The following LRCH1 variants were observed in gnomAD, a reference collection of about 807,000 sequenced individuals.
The protein encoded by LRCH1 is leucine rich repeats and calponin homology domain containing 1, also known as leucine-rich repeat and calponin homology domain-containing protein 1.
LRCH1 carries 23 observed loss-of-function variants against 94.9 expected under a neutral mutation model. The observed-to-expected ratio is 0.24, with a 90% CI of 0.17 to 0.34. LRCH1 has a LOEUF of 0.34. Among genes scored for constraint, LRCH1 ranks in the 10% least tolerant of loss-of-function variants. The pLI, the probability that LRCH1 is intolerant of heterozygous loss-of-function variation, is 1.00. For missense variants in LRCH1, 790 were observed against 945.9 expected (o/e 0.84, Z 2.16); for synonymous variants, 364 against 354.9 (o/e 1.03, Z -0.29).
Position 46,744,268 on chromosome 13 carries a change from C to A in LRCH1, c.*2420C>A, listed in dbSNP as rs1303645635. The A allele has an allele frequency of 1.0e-6, 1 of 984,214 alleles. No individual in the cohort carries two copies. The highest frequency in any genetic ancestry group is 1.8e-5 in the African/African-American group (1 of 56,254). The allele number at this position is 984,214 out of a possible 1,614,324, so 61.0% of individuals were successfully genotyped here. Reference sequence around the variant, plus strand: ...GTCACTGAGTGGTTTATTGTGCTGACCAAATCTCCTCCTCACAAGAAAGAC... The same window carrying A: ...GTCACTGAGTGGTTTATTGTGCTGAACAAATCTCCTCCTCACAAGAAAGAC... On this transcript the variant is annotated 3_prime_UTR_variant, in exon 20 of 20. Transcript: ENST00000389797.
At chr13:46,649,586 A>G (rs1197259906) in intron 1 of LRCH1, among the ~76,000 whole-genome samples, 1 of 152,142 alleles carries the variant, frequency 6.6e-6, no homozygotes, top group African/African-American at 2.4e-5. Flanking sequence ...CTTATATATT[A>G]TAGGCTCTCA....
At position 46,723,271 on chromosome 13, in the gene LRCH1, A is replaced by G. The variant is rs1300939492; in HGVS notation, c.1810A>G (p.Ile604Val). 1.1e-5 allele frequency: 18 copies of G among 1,613,896 alleles called. No homozygotes were observed. The highest frequency in any genetic ancestry group is 3.3e-5 in the South Asian group (3 of 91,082). Residue 604 changes from isoleucine (I) to valine (V), a missense_variant, in exon 17 of 20, where the codon ATC becomes GTC. Around this residue, in one of 3 missense-constraint regions of LRCH1, gnomAD observed 460 missense variants for 508.9 expected, o/e 0.90. Coordinates refer to ENST00000389797, the MANE Select transcript of LRCH1 (RefSeq NM_001164211.2). ...GGAATCTATAGACCCGCAGTTTACA[A>G]TCCGGAGGAAAATGGAGCAGATGAG... ...NLESIDPQFTIRRKMEQMREE... is the reference protein window; with the variant it reads ...NLESIDPQFTVRRKMEQMREE...
At chr13:46,569,646 G>T (rs1332177060) in intron 1 of LRCH1, among the ~76,000 whole-genome samples, 1 of 152,026 alleles carries the variant, frequency 6.6e-6, no homozygotes, top group African/African-American at 2.4e-5. Flanking sequence ...CTGCCTAGCA[G>T]CAGATCCACA....
At chr13:46,708,276 CTTTTT>C (rs10635302) in intron 13 of LRCH1, among the ~76,000 whole-genome samples, 1 of 130,504 alleles carries the variant, frequency 7.7e-6, no homozygotes. Context: ...TTCATCCCAT[CTTTTT>C]TTTTTTTTTT....
downstream of LRCH1, among the ~76,000 whole-genome samples, chr13:46,746,816 C>A (rs1011985027): frequency 2.0e-5 from 3 of 152,190 alleles, no homozygotes; most frequent in African/African-American, 4.8e-5. Context: ...AGGATCCCCC[C>A]ACTCTGTGGG....
At chr13:46,559,817 C>G (rs1481330656) in intron 1 of LRCH1, among the ~76,000 whole-genome samples, 1 of 152,118 alleles carries the variant, frequency 6.6e-6, no homozygotes, top group Admixed American at 6.5e-5. Flanking sequence ...GTGTTTGATA[C>G]TAGGCCACAA....
chr13:46,648,336 C>T (rs980001905), intron 1 of LRCH1, among the ~76,000 whole-genome samples: 3 of 152,180 alleles, frequency 2.0e-5, no homozygotes, highest in African/African-American at 7.2e-5. Context: ...CACTTGCCAG[C>T]CTGACACTCA....
At position 46,623,301 on chromosome 13, in the gene LRCH1, A is replaced by G. The variant is rs546201552; in HGVS notation, c.308-26900A>G. Among the ~76,000 whole-genome samples, 16 of 152,220 alleles carry G rather than the reference A, an allele frequency of 1.1e-4. 1 individual carries two copies. In the South Asian group the frequency reaches 3.3e-3, roughly 32 times the overall value. On this transcript the variant is annotated intron_variant, in intron 1 of 19. Transcript: ENST00000389797. ...TGTGGTTATTAGAATGTGTAGACTG[A>G]GTAGGGGCTTTGGCATAGAGATGGT...
At chr13:46,733,819 A>G in intron 18 of LRCH1, 102 bp from the exon 19 acceptor site, 1 of 628,478 alleles carries the variant, frequency 1.6e-6, no homozygotes. Context: ...GCTCCAATAA[A>G]CATGTATTGC....
At chr13:46,653,673 A>AT (rs1015625321) in intron 2 of LRCH1, among the ~76,000 whole-genome samples, 1 of 151,904 alleles carries the variant, frequency 6.6e-6, no homozygotes, top group Admixed American at 6.6e-5. Context: ...GAAAAAAAAA[A>AT]TACAAAAAGT....
intron 1 of LRCH1, among the ~76,000 whole-genome samples, chr13:46,564,893 G>C (rs1320863748): frequency 6.6e-6 from 1 of 152,192 alleles, no homozygotes; most frequent in East Asian, 1.9e-4. Context: ...TAGAAAACCT[G>C]TCACTTTCTG....
intron 13 of LRCH1, among the ~76,000 whole-genome samples, chr13:46,709,805 G>C (rs945034414): frequency 5.3e-5 from 8 of 151,804 alleles, no homozygotes; most frequent in African/African-American, 1.7e-4. Flanking sequence ...GCAATTATCT[G>C]TCCTTGGCAG....
chr13:46,694,743 G>A (rs1011734151), intron 8 of LRCH1, 150 bp from the exon 9 acceptor site: 13 of 732,192 alleles, frequency 1.8e-5, no homozygotes, highest in Admixed American at 2.8e-5. Flanking sequence ...TTTCCTCCCT[G>A]CAGGGAAGAG....
At chr13:46,673,525 C>T (rs2051629143) in intron 3 of LRCH1, among the ~76,000 whole-genome samples, 1 of 151,906 alleles carries the variant, frequency 6.6e-6, no homozygotes, top group Admixed American at 6.6e-5. Context: ...CCTGGAGGGC[C>T]AGAAGTAATT....
At chr13:46,657,311 G>A (rs73193007) in intron 2 of LRCH1, among the ~76,000 whole-genome samples, 13,298 of 150,998 alleles carry the variant, frequency 0.088, 645 homozygotes, top group East Asian at 0.22. Context: ...CATTTCATCA[G>A]TAATCAACTT....
chr13:46,737,775 A>G (rs1050821560), intron 19 of LRCH1, among the ~76,000 whole-genome samples: 8 of 152,134 alleles, frequency 5.3e-5, no homozygotes, highest in Non-Finnish European at 1.2e-4. Flanking sequence ...TCTAACCTCT[A>G]TGTAGCAGAT....
intron 17 of LRCH1, among the ~76,000 whole-genome samples, chr13:46,725,182 A>G (rs1028362253): frequency 2.6e-5 from 4 of 152,172 alleles, no homozygotes; most frequent in Non-Finnish European, 4.4e-5. Context: ...GATGGAAACA[A>G]TAAACTCTGG....
rs1263459235 is a variant in LRCH1 at position 46,743,681 on chromosome 13, C to T, written c.*1833C>T. ...AGCTCTGCAGTGCATTGAGGCTTCTCTTTAATGGTCACCACTGTGGTGGTT... is the reference window on the plus strand; with the variant it reads ...AGCTCTGCAGTGCATTGAGGCTTCTTTTTAATGGTCACCACTGTGGTGGTT... On this transcript the variant is annotated 3_prime_UTR_variant, in exon 20 of 20. Coordinates refer to ENST00000389797, the MANE Select transcript of LRCH1 (RefSeq NM_001164211.2). 2.0e-6 allele frequency: 2 copies of T among 985,120 alleles called. No individual in the cohort carries two copies. Among genetic ancestry groups the T allele is most frequent in the Non-Finnish European group, 2.4e-6 (2 of 829,922 alleles). 61.0% of individuals were successfully genotyped at this position (985,120 alleles called of 1,614,324 possible). A position where few individuals can be genotyped will look rare whatever the true frequency, so the allele number is the denominator to read the frequency against.
At chr13:46,689,011 T>C (rs888746981) in intron 6 of LRCH1, 122 bp from the exon 7 acceptor site, 16 of 734,534 alleles carry the variant, frequency 2.2e-5, no homozygotes, top group Admixed American at 1.4e-4. Flanking sequence ...TGTTGCCTTA[T>C]GGTAATAATA....
Sources: allele counts gnomAD v4.1 joint callset (sites outside exome capture counted in the v4.1 genomes callset), GRCh38; gene constraint gnomAD v4.1.1; regional missense constraint gnomAD v4.1.1; transcripts MANE v1.5; gene names NCBI Gene and HGNC (gene_info 2026-07-23, HGNC 2026-07-21).